DHDDS: variants seen among roughly 807,000 people sequenced by gnomAD.
DHDDS encodes dehydrodolichyl diphosphate synthase complex subunit DHDDS.
In DHDDS, 16 loss-of-function variants were observed where a neutral mutation model predicts 46.2. The observed-to-expected ratio is 0.35, with a 90% CI of 0.23 to 0.53. The LOEUF (loss-of-function observed/expected upper bound fraction) is 0.53. Among genes scored for constraint, DHDDS ranks in the 20% least tolerant of loss-of-function variants. DHDDS has a pLI of 0.94. For missense variants in DHDDS, 340 were observed against 423.7 expected, an observed-to-expected ratio of 0.80 and a Z score of 1.73; for synonymous variants, 151 against 163.1, an observed-to-expected ratio of 0.93 and a Z score of 0.56.
rs117619563 is a variant in DHDDS at position 26,442,675 on chromosome 1, T to C, written c.181-56T>C. On this transcript the variant is annotated intron_variant, in intron 3 of 8. Coordinates refer to ENST00000236342, the MANE Select transcript of DHDDS (RefSeq NM_205861.3). Reference sequence around the variant, plus strand: ...TGAGTCAGGACCAAAAAGTATCTCTTATTTCCCCTTCCCACTCTTCCTTGT... The same window carrying C: ...TGAGTCAGGACCAAAAAGTATCTCTCATTTCCCCTTCCCACTCTTCCTTGT... 7.0e-4 allele frequency: 1,126 copies of C among 1,610,006 alleles called. 11 individuals are homozygous for C. The East Asian group carries it at 0.019, about 27-fold the overall frequency.
Position 26,469,261 on chromosome 1 carries a change from C to T in DHDDS, c.*130C>T. ...TTCCCTTTGCTTGGCTGGGGAGCCC[C>T]CCAGGCCAGGTTTGCTGGCCATAGA... On this transcript the variant is annotated 3_prime_UTR_variant, in exon 9 of 9. Coordinates refer to ENST00000236342, the MANE Select transcript of DHDDS (RefSeq NM_205861.3). 6.4e-7 allele frequency: 1 copy of T among 1,560,094 alleles called. No individual in the cohort carries two copies. Among genetic ancestry groups the T allele is most frequent in the Non-Finnish European group, 8.7e-7 (1 of 1,155,026 alleles).
At chr1:26,438,142 T>C in intron 2 of DHDDS, 26 bp from the exon 3 acceptor site, 1 of 1,609,842 alleles carries the variant, frequency 6.2e-7, no homozygotes. Context: ...TGAGACCTGT[T>C]CATCATTTGT....
At chr1:26,468,246 A>C (rs887580103) in intron 8 of DHDDS, among the ~76,000 whole-genome samples, 1 of 152,140 alleles carries the variant, frequency 6.6e-6, no homozygotes, top group Non-Finnish European at 1.5e-5. Flanking sequence ...CATTTGCTGG[A>C]AGGATCAGGC....
chr1:26,432,697 A>C, intron 1 of DHDDS, 194 bp from the exon 2 acceptor site: 6 of 544,290 alleles, frequency 1.1e-5, no homozygotes, highest in Non-Finnish European at 1.7e-5. Flanking sequence ...AGCCAGGAGA[A>C]CCGAGGAAAG....
At chr1:26,445,789 G>A (rs973208752) in intron 4 of DHDDS, among the ~76,000 whole-genome samples, 5 of 151,878 alleles carry the variant, frequency 3.3e-5, no homozygotes, top group South Asian at 2.1e-4. Flanking sequence ...TTGGGAGGCC[G>A]AGACAGGCAG....
At chr1:26,464,819 T>C (rs1160052848) in intron 8 of DHDDS, among the ~76,000 whole-genome samples, 1 of 152,204 alleles carries the variant, frequency 6.6e-6, no homozygotes, top group African/African-American at 2.4e-5. Context: ...CTGCCCAATG[T>C]GTCCCTATTC....
At chr1:26,459,803 G>A (rs535061687) in intron 7 of DHDDS, among the ~76,000 whole-genome samples, 13 of 152,144 alleles carry the variant, frequency 8.5e-5, no homozygotes, top group Non-Finnish European at 1.8e-4. Context: ...ATCTAGTCTC[G>A]TTTTAGTTCT....
intron 6 of DHDDS, among the ~76,000 whole-genome samples, chr1:26,457,319 A>G (rs1167491356): frequency 6.6e-6 from 1 of 150,804 alleles, no homozygotes; most frequent in Admixed American, 6.6e-5. Flanking sequence ...AAAAAAAAAA[A>G]CAAATTAGCA....
chr1:26,447,687 T>TAAC, intron 6 of DHDDS, 27 bp downstream of exon 6: 1 of 1,600,276 alleles, frequency 6.2e-7, no homozygotes, highest in Non-Finnish European at 8.6e-7. Context: ...TGCATGGTAA[T>TAAC]TGTTAAGGAA....
rs556192999 is a variant in DHDDS, at chr1:26,458,060, T to C, written c.657+155T>C. On this transcript the variant is annotated intron_variant, in intron 7 of 8. Coordinates refer to ENST00000236342, the MANE Select transcript of DHDDS (RefSeq NM_205861.3). Reference sequence around the variant, plus strand: ...TCTGGAGAAGCATCTCTAGGCTGTGTCTCATAATATTTGATGTCCATTCCT... The same window carrying C: ...TCTGGAGAAGCATCTCTAGGCTGTGCCTCATAATATTTGATGTCCATTCCT... Among the ~76,000 whole-genome samples the C allele has an allele frequency of 2.0e-5, 3 of 152,300 alleles. No homozygotes were observed. In the East Asian group the frequency reaches 5.8e-4, roughly 29 times the overall value.
At chr1:26,459,857 C>T (rs1283748115) in intron 7 of DHDDS, among the ~76,000 whole-genome samples, 180 bp from the exon 8 acceptor site, 2 of 152,172 alleles carry the variant, frequency 1.3e-5, no homozygotes, top group East Asian at 1.9e-4. Context: ...AGTGACGCCT[C>T]CCCCTACTAG....
rs1379079452 is a variant in DHDDS at position 26,460,232 on chromosome 1, A to G, written c.765+88A>G. The G allele has an allele frequency of 2.9e-5, 30 of 1,022,160 alleles. 1 individual carries two copies. The East Asian group carries it at 7.2e-4, about 24-fold the overall frequency. The allele number at this position is 1,022,160 out of a possible 1,614,324, so 63.3% of individuals were successfully genotyped here. On this transcript the variant is annotated intron_variant, in intron 8 of 8. Transcript: ENST00000236342. ...ACAACCACCTTACTATATACCAGGC[A>G]CTTCCTAATAAGATGATGATAATGA...
At chr1:26,441,693 G>A (rs2075220729) in intron 3 of DHDDS, among the ~76,000 whole-genome samples, 1 of 151,756 alleles carries the variant, frequency 6.6e-6, no homozygotes. Context: ...TCAGGAGTTC[G>A]AGACCAGCCT....
Position 26,468,967 on chromosome 1 carries a change from C to G in DHDDS, c.838C>G (p.Gln280Glu). ...GAGGGACCAGGCTACAGTGACAGAG[C>G]AGCTGCTGCGAGAGGGGCTCCAAGC... ...LERDQATVTE[Q>E]LLREGLQASG... is the part of the protein sequence containing the mutation. Residue 280 changes from glutamine (Q) to glutamate (E), a missense_variant, in exon 9 of 9, where the codon CAG becomes GAG. Transcript: ENST00000236342. 6.2e-7 allele frequency: 1 copy of G among 1,614,120 alleles called. No homozygotes were observed. The highest frequency in any genetic ancestry group is 8.5e-7 in the Non-Finnish European group (1 of 1,180,030).
intron 8 of DHDDS, chr1:26,467,102 A>C (rs931665530): frequency 5.1e-5 from 14 of 275,946 alleles, no homozygotes; most frequent in South Asian, 3.9e-4. Flanking sequence ...CTGTCTGTCC[A>C]TGAAGGTCAC....
intron 3 of DHDDS, among the ~76,000 whole-genome samples, chr1:26,441,058 G>A (rs2075214029): frequency 6.6e-6 from 1 of 151,944 alleles, no homozygotes; most frequent in Non-Finnish European, 1.5e-5. Context: ...CTGAGTAACT[G>A]GGATTACAGG....
intron 6 of DHDDS, among the ~76,000 whole-genome samples, chr1:26,451,832 G>A (rs2075324474): frequency 6.6e-6 from 1 of 151,876 alleles, no homozygotes; most frequent in Non-Finnish European, 1.5e-5. Flanking sequence ...GTTTCACCAT[G>A]TTAGCCAGGA....
chr1:26,462,049 C>T (rs1032446680), intron 8 of DHDDS, among the ~76,000 whole-genome samples: 4 of 150,920 alleles, frequency 2.7e-5, no homozygotes, highest in African/African-American at 4.9e-5. Context: ...AGGATAATCA[C>T]GTGCTATTTT....
At chr1:26,447,441 A>C in intron 5 of DHDDS, 118 bp from the exon 6 acceptor site, 1 of 813,590 alleles carries the variant, frequency 1.2e-6, no homozygotes, top group Middle Eastern at 3.2e-4. Context: ...TCCACAATTA[A>C]CATTTGATGT....
Sources: allele counts gnomAD v4.1 joint callset (sites outside exome capture counted in the v4.1 genomes callset), GRCh38; gene constraint gnomAD v4.1.1; transcripts MANE v1.5; gene names NCBI Gene and HGNC (gene_info 2026-07-23, HGNC 2026-07-21).